The following CAPN7 variants were observed in gnomAD, a reference collection of about 807,000 sequenced individuals.
The protein encoded by CAPN7 is calpain 7.
Under a neutral mutation model 115.2 loss-of-function variants are expected in CAPN7, and 72 were observed. That is an observed-to-expected ratio of 0.63 (90% CI 0.52 to 0.76). The LOEUF (loss-of-function observed/expected upper bound fraction) is 0.76, where lower values mean the gene tolerates loss of function less well. Ranked by LOEUF, CAPN7 falls within the 30% of genes least tolerant of loss-of-function variation. The pLI is 0.00. For missense variants in CAPN7, 905 were observed against 971.5 expected, an observed-to-expected ratio of 0.93 and a Z score of 0.91; for synonymous variants, 344 against 322.3, an observed-to-expected ratio of 1.07 and a Z score of -0.72.
chr3:15,210,973 G>A (rs2044906149), intron 1 of CAPN7: 1 of 1,121,620 alleles, frequency 8.9e-7, no homozygotes, highest in Non-Finnish European at 1.1e-6. Flanking sequence ...GGTAGCATTG[G>A]TAACCTTCCT....
At chr3:15,245,870 A>G (rs909734215) in intron 17 of CAPN7, 199 bp downstream of exon 17, 22 of 488,534 alleles carry the variant, frequency 4.5e-5, no homozygotes, top group Non-Finnish European at 7.7e-5. Context: ...TTTATTTTGA[A>G]AGAGCATTTT....
Position 15,232,668 on chromosome 3 carries a change from A to G in CAPN7, c.1179+3A>G. On this transcript the variant is annotated splice_donor_region_variant and intron_variant, in intron 10 of 20. Transcript: ENST00000253693. ...ATGATTTTCCAGGATCCAACTCCGT[A>G]AGTAATAGATAAGACGATCCAGACA... The G allele has an allele frequency of 6.2e-7, 1 of 1,603,788 alleles. No individual in the cohort carries two copies.
chr3:15,241,144 G>A (rs1409389789), intron 14 of CAPN7, among the ~76,000 whole-genome samples: 1 of 152,192 alleles, frequency 6.6e-6, no homozygotes, highest in African/African-American at 2.4e-5. Context: ...GGTGGAGGTT[G>A]CAGTGAGCCA....
At chr3:15,222,304 C>T (rs1470714368) in intron 5 of CAPN7, among the ~76,000 whole-genome samples, 1 of 152,102 alleles carries the variant, frequency 6.6e-6, no homozygotes, top group Non-Finnish European at 1.5e-5. Context: ...AAATGTGAAA[C>T]ACAATAATGT....
At position 15,242,243 on chromosome 3, in the gene CAPN7, T is replaced by A; in HGVS notation, c.1854T>A (p.Val618=). 1 of 1,593,518 alleles carries A rather than the reference T, an allele frequency of 6.3e-7. No individual in the cohort carries two copies. The change falls in exon 16 of 21, where the codon GTT becomes GTA. Residue 618 remains valine, a synonymous_variant. Transcript: ENST00000253693. ...TATACAAGACTGATGGGAAAAAAGT[T>A]TATTACCCAGGTATGTTTAGTAGCC... ...MVVYKTDGKK[V]YYPADPPPYI... is the part of the protein sequence containing the mutation.
At chr3:15,220,695 C>A in intron 4 of CAPN7, 86 bp from the exon 5 acceptor site, 1 of 1,153,500 alleles carries the variant, frequency 8.7e-7, no homozygotes, top group Non-Finnish European at 1.3e-6. Context: ...GGATGCTTGA[C>A]TGGTTCTTCA....
chr3:15,218,828 C>T (rs1693794264), intron 4 of CAPN7, among the ~76,000 whole-genome samples: 1 of 152,174 alleles, frequency 6.6e-6, no homozygotes, highest in Non-Finnish European at 1.5e-5. Context: ...ATCAGACTTT[C>T]AAAGAGAACT....
chr3:15,224,473 A>G (rs1057036516), intron 6 of CAPN7, among the ~76,000 whole-genome samples: 6 of 151,888 alleles, frequency 4.0e-5, no homozygotes, highest in African/African-American at 1.5e-4. Flanking sequence ...AGATTTTACC[A>G]TTTTGGCCAG....
rs1237194546 is a variant in CAPN7 at position 15,206,598 on chromosome 3, G to A, written c.102+1G>A. 1.3e-6 allele frequency: 2 copies of A among 1,544,042 alleles called. No individual in the cohort carries two copies. The highest frequency in any genetic ancestry group is 1.7e-6 in the Non-Finnish European group (2 of 1,143,870). On this transcript the variant is annotated splice_donor_variant, in intron 1 of 20. Coordinates refer to ENST00000253693, the MANE Select transcript of CAPN7 (RefSeq NM_014296.3). LOFTEE classifies it high-confidence loss of function. ...CTCCGAGGCGGTGTTTTATTACAAG[G>A]TAGGGCCGGGCCCGGCGCTTCGGTC...
At chr3:15,227,771 A>G (rs1393236813) in intron 6 of CAPN7, 68 bp from the exon 7 acceptor site, 7 of 1,029,306 alleles carry the variant, frequency 6.8e-6, no homozygotes, top group Non-Finnish European at 9.2e-6. Context: ...TCTCTAGGAA[A>G]TTTAATTTTG....
intron 1 of CAPN7, chr3:15,210,899 C>G: frequency 4.7e-6 from 6 of 1,281,034 alleles, no homozygotes; most frequent in Non-Finnish European, 6.1e-6. Context: ...ATGAAGTGTA[C>G]ACGCTTGGGT....
chr3:15,208,769 G>A (rs952469545), intron 1 of CAPN7, among the ~76,000 whole-genome samples: 1 of 152,158 alleles, frequency 6.6e-6, no homozygotes, highest in Non-Finnish European at 1.5e-5. Context: ...AAATCAAAGG[G>A]TATGAGCTTC....
Position 15,245,610 on chromosome 3 carries a change from A to G in CAPN7, c.1949A>G (p.His650Arg), listed in dbSNP as rs747740937. ...TKIKLTTPGTHTFTLVVSQYE... is the reference protein window; with the variant it reads ...TKIKLTTPGTRTFTLVVSQYE... ...ATAAAGCTGACCACACCTGGCACCC[A>G]TACCTTTACATTAGTGGTTTCTCAA... Residue 650 changes from histidine to arginine, a missense_variant, in exon 17 of 21, where the codon CAT (histidine) becomes CGT (arginine). By Grantham distance (29) the His-to-Arg change is conservative. Transcript: ENST00000253693. 6.2e-7 allele frequency: 1 copy of G among 1,614,030 alleles called. No individual in the cohort carries two copies. Among genetic ancestry groups the G allele is most frequent in the South Asian group, 1.1e-5 (1 of 91,072 alleles).
chr3:15,206,629 T>TGCTCAGTCGGAGTG (rs2044639528), intron 1 of CAPN7, 32 bp downstream of exon 1: 1 of 1,496,546 alleles, frequency 6.7e-7, no homozygotes, highest in African/African-American at 1.4e-5. Context: ...CGGTCGGAGT[T>TGCTCAGTCGGAGTG]GCTCAGTCGG....
intron 1 of CAPN7, among the ~76,000 whole-genome samples, chr3:15,207,637 GTTTC>G (rs2044704076): frequency 6.8e-6 from 1 of 146,012 alleles, no homozygotes; most frequent in Non-Finnish European, 1.5e-5. Context: ...AAGTTTTTTT[GTTTC>G]TTTTTTTTTT....
chr3:15,241,145 C>T (rs1179247181), intron 14 of CAPN7, among the ~76,000 whole-genome samples: 2 of 152,116 alleles, frequency 1.3e-5, no homozygotes, highest in Non-Finnish European at 2.9e-5. Flanking sequence ...GTGGAGGTTG[C>T]AGTGAGCCAA....
chr3:15,206,627 G>A, intron 1 of CAPN7, 30 bp downstream of exon 1: 3 of 1,505,108 alleles, frequency 2.0e-6, no homozygotes, highest in Non-Finnish European at 1.8e-6. Context: ...TTCGGTCGGA[G>A]TTGCTCAGTC....
At chr3:15,231,579 G>A (rs1397295589) in intron 9 of CAPN7, among the ~76,000 whole-genome samples, 1 of 151,468 alleles carries the variant, frequency 6.6e-6, no homozygotes, top group Non-Finnish European at 1.5e-5. Context: ...ACCCAGGCTG[G>A]AGTGCAATGG....
chr3:15,210,422 TTAGA>T (rs914213920), intron 1 of CAPN7, among the ~76,000 whole-genome samples: 2 of 152,066 alleles, frequency 1.3e-5, no homozygotes, highest in African/African-American at 4.8e-5. Context: ...TACAATGTAT[TTAGA>T]TAATGATGGT....
Sources: allele counts gnomAD v4.1 joint callset (sites outside exome capture counted in the v4.1 genomes callset), GRCh38; gene constraint gnomAD v4.1.1; transcripts MANE v1.5; gene names NCBI Gene and HGNC (gene_info 2026-07-23, HGNC 2026-07-21).